Variants in PBX3 observed in about 807,000 individuals in gnomAD.
PBX3 encodes PBX homeobox 3.
PBX3 carries 14 observed loss-of-function variants against 48.5 expected under a neutral mutation model. That is an observed-to-expected ratio of 0.29 (90% CI 0.19 to 0.45). The LOEUF (loss-of-function observed/expected upper bound fraction) is 0.45. Among genes scored for constraint, PBX3 ranks in the 20% least tolerant of loss-of-function variants. PBX3 has a pLI of 1.00. For missense variants in PBX3, 386 were observed against 546.7 expected (o/e 0.71, Z 2.93); for synonymous variants, 210 against 200.3 (o/e 1.05, Z -0.41).
At chr9:125,915,655 T>C in intron 2 of PBX3, 31 bp from the exon 3 acceptor site, 3 of 1,550,490 alleles carry the variant, frequency 1.9e-6, no homozygotes, top group Non-Finnish European at 1.8e-6. Context: ...TCGCTTCTTC[T>C]CTCTCTGTCT....
intron 2 of PBX3, among the ~76,000 whole-genome samples, chr9:125,762,981 A>T (rs1162926464): frequency 6.6e-6 from 1 of 152,234 alleles, no homozygotes; most frequent in Non-Finnish European, 1.5e-5. Flanking sequence ...CTTGGAAAGA[A>T]AGCAAATGTC....
Position 125,952,318 on chromosome 9 carries a change from T to C in PBX3, c.844-8366T>C, listed in dbSNP as rs567129208. The stretch of plus-strand genomic sequence containing the variant: ...CAGATCCTCTCCCTGACGCAGTTTA[T>C]GCACAGAAGCAACACCAAGGATGAA... On this transcript the variant is annotated intron_variant, in intron 5 of 8. Transcript: ENST00000373489. Among the ~76,000 whole-genome samples the C allele has an allele frequency of 2.0e-3, 309 of 152,362 alleles. 3 individuals are homozygous for C. The highest frequency in any genetic ancestry group is 7.2e-3 in the African/African-American group (298 of 41,584).
At chr9:125,890,757 G>C (rs1428591031) in intron 2 of PBX3, among the ~76,000 whole-genome samples, 1 of 152,128 alleles carries the variant, frequency 6.6e-6, no homozygotes, top group Non-Finnish European at 1.5e-5. Flanking sequence ...TGTTTGCAAG[G>C]AATGACTAGC....
intron 2 of PBX3, among the ~76,000 whole-genome samples, chr9:125,860,086 T>G (rs1324186590): frequency 6.6e-6 from 1 of 152,216 alleles, no homozygotes; most frequent in Admixed American, 6.5e-5. Flanking sequence ...AAACAGCAGT[T>G]TATTTCTCAT....
chr9:125,934,214 T>G (rs1841784726), intron 4 of PBX3, among the ~76,000 whole-genome samples: 1 of 152,190 alleles, frequency 6.6e-6, no homozygotes, highest in South Asian at 2.1e-4. Flanking sequence ...TCTTGCTCCC[T>G]TGACTCTCCC....
chr9:125,834,055 A>G (rs1430331628), intron 2 of PBX3, among the ~76,000 whole-genome samples: 1 of 152,174 alleles, frequency 6.6e-6, no homozygotes, highest in African/African-American at 2.4e-5. Flanking sequence ...ATTTTTCTAG[A>G]TGTTGGGAAT....
At chr9:125,840,670 A>T (rs1441431480) in intron 2 of PBX3, among the ~76,000 whole-genome samples, 2 of 151,978 alleles carry the variant, frequency 1.3e-5, no homozygotes, top group African/African-American at 4.8e-5. Context: ...GAAAATTTTT[A>T]CTTGAAAACT....
chr9:125,915,092 AAT>A (rs1406215286), intron 2 of PBX3, among the ~76,000 whole-genome samples: 1 of 151,960 alleles, frequency 6.6e-6, no homozygotes, highest in South Asian at 2.1e-4. Flanking sequence ...TTCATTTAAT[AAT>A]ATATATATAT....
chr9:125,752,617 CTTTGGAGTCTT>C (rs1399678143), intron 2 of PBX3, among the ~76,000 whole-genome samples: 2 of 152,102 alleles, frequency 1.3e-5, no homozygotes, highest in Non-Finnish European at 2.9e-5. Context: ...TTTAGAGACT[CTTTGGAGTCTT>C]TTTTTGGTGT....
chr9:125,925,127 A>G (rs944218962), intron 3 of PBX3, among the ~76,000 whole-genome samples: 123 of 152,240 alleles, frequency 8.1e-4, no homozygotes, highest in Admixed American at 4.6e-4. Context: ...AATAATTGAT[A>G]TTGCTTCATC....
intron 2 of PBX3, among the ~76,000 whole-genome samples, chr9:125,874,968 A>C (rs942170530): frequency 4.6e-5 from 7 of 152,190 alleles, no homozygotes; most frequent in Admixed American, 4.6e-4. Flanking sequence ...TGAATACATA[A>C]AATGTTTTAC....
At chr9:125,777,747 ACT>A (rs1366629803) in intron 2 of PBX3, among the ~76,000 whole-genome samples, 1 of 151,218 alleles carries the variant, frequency 6.6e-6, no homozygotes, top group Non-Finnish European at 1.5e-5. Context: ...TGATTACTTT[ACT>A]CTCTTTCTTT....
chr9:125,752,136 ACT>A (rs1298454586), intron 2 of PBX3, among the ~76,000 whole-genome samples: 4 of 152,090 alleles, frequency 2.6e-5, no homozygotes, highest in Admixed American at 6.6e-5. Context: ...TGCCAACCAA[ACT>A]CTGATTTATT....
At position 125,748,547 on chromosome 9, in the gene PBX3, T is replaced by G; in HGVS notation, c.201-3T>G. 1 of 1,613,562 alleles carries G rather than the reference T, an allele frequency of 6.2e-7. No individual in the cohort carries two copies. ...CCTTTGTGTTTCGTTATTTGTTTTT[T>G]AGGAAACATGCCCTGAACTGTCACA... On this transcript the variant is annotated splice_region_variant and splice_polypyrimidine_tract_variant and intron_variant, in intron 1 of 8. Coordinates refer to ENST00000373489, the MANE Select transcript of PBX3 (RefSeq NM_006195.6).
intron 3 of PBX3, among the ~76,000 whole-genome samples, chr9:125,918,466 T>G (rs1183420931): frequency 5.9e-5 from 9 of 152,240 alleles, no homozygotes; most frequent in Non-Finnish European, 1.3e-4. Context: ...TTTGTTTTTT[T>G]AAATTGAAGA....
intron 2 of PBX3, among the ~76,000 whole-genome samples, chr9:125,851,396 AAGAC>A (rs753615652): frequency 5.1e-4 from 78 of 152,242 alleles, no homozygotes; most frequent in Admixed American, 2.4e-3. Flanking sequence ...CTAGGTAAAA[AAGAC>A]AGCCATTGAC....
At chr9:125,868,179 G>GT (rs56660114) in intron 2 of PBX3, among the ~76,000 whole-genome samples, 4,442 of 146,700 alleles carry the variant, frequency 0.03, 69 homozygotes, top group Middle Eastern at 0.058. Flanking sequence ...CCAGACTGCA[G>GT]TTTTTTTTTT....
chr9:125,916,578 C>CT (rs1286650270), intron 3 of PBX3, among the ~76,000 whole-genome samples: 5 of 152,120 alleles, frequency 3.3e-5, no homozygotes, highest in African/African-American at 1.2e-4. Context: ...TCTCAGATAA[C>CT]TTTAAGTTGC....
At chr9:125,951,716 G>A (rs1842199603) in intron 5 of PBX3, among the ~76,000 whole-genome samples, 1 of 152,180 alleles carries the variant, frequency 6.6e-6, no homozygotes, top group African/African-American at 2.4e-5. Flanking sequence ...CAGGAAAGGA[G>A]AACCTTAGAT....
Sources: gnomAD v4.1 joint callset for allele counts (sites outside exome capture counted in the v4.1 genomes callset) on GRCh38, gnomAD v4.1.1 for gene constraint, MANE v1.5 for transcripts, NCBI Gene and HGNC (gene_info 2026-07-23, HGNC 2026-07-21) for gene names.